Variants in UBE2V2 observed in about 807,000 individuals in gnomAD.
UBE2V2 encodes the protein ubiquitin conjugating enzyme E2 V2, also known as ubiquitin-conjugating enzyme E2 variant 2.
Under a neutral mutation model 17.2 loss-of-function variants are expected in UBE2V2, and 9 were observed. That is an observed-to-expected ratio of 0.52 (90% CI 0.32 to 0.91). The LOEUF (loss-of-function observed/expected upper bound fraction) is 0.91. Ranked by LOEUF, UBE2V2 falls within the 40% of genes least tolerant of loss-of-function variation. The pLI, the probability that UBE2V2 is intolerant of heterozygous loss-of-function variation, is 0.04. For missense variants in UBE2V2, 133 were observed against 182.6 expected, an observed-to-expected ratio of 0.73 and a Z score of 1.56; for synonymous variants, 61 against 57.5, an observed-to-expected ratio of 1.06 and a Z score of -0.28.
chr8:48,015,888 C>T (rs1303214162), intron 1 of UBE2V2, among the ~76,000 whole-genome samples: 3 of 146,716 alleles, frequency 2.0e-5, no homozygotes, highest in African/African-American at 7.5e-5. Flanking sequence ...ATCCATTTGT[C>T]TGTGTGGTTT....
chr8:48,025,951 A>G (rs1335390503), intron 1 of UBE2V2, among the ~76,000 whole-genome samples: 2 of 152,122 alleles, frequency 1.3e-5, no homozygotes, highest in East Asian at 3.9e-4. Context: ...AAGGGAGGTT[A>G]TTGGGAGTGT....
chr8:48,017,320 C>T (rs2091275947), intron 1 of UBE2V2, among the ~76,000 whole-genome samples: 2 of 151,714 alleles, frequency 1.3e-5, no homozygotes, highest in East Asian at 3.9e-4. Flanking sequence ...TGGTTATTAA[C>T]CCCTTATCAG....
chr8:48,034,261 A>T (rs2091405079), intron 1 of UBE2V2, among the ~76,000 whole-genome samples: 1 of 151,848 alleles, frequency 6.6e-6, no homozygotes, highest in Non-Finnish European at 1.5e-5. Context: ...AGCTGGGATT[A>T]CAGATTCCCG....
At chr8:48,021,298 C>T (rs1449538429) in intron 1 of UBE2V2, among the ~76,000 whole-genome samples, 6 of 145,602 alleles carry the variant, frequency 4.1e-5, no homozygotes, top group South Asian at 2.2e-4. Context: ...AGGCTGGTCT[C>T]GAACCCTTTT....
chr8:48,052,513 C>T (rs768884527), intron 3 of UBE2V2, among the ~76,000 whole-genome samples: 1 of 152,150 alleles, frequency 6.6e-6, no homozygotes, highest in Non-Finnish European at 1.5e-5. Flanking sequence ...TATCATTAAG[C>T]CTTGTCAGTT....
the UBE2V2 span, among the ~76,000 whole-genome samples, chr8:47,998,285 G>A: frequency 6.6e-6 from 1 of 152,124 alleles, no homozygotes; most frequent in Admixed American, 6.5e-5. Flanking sequence ...GGAGCAGACT[G>A]AAAGGCTCCT....
intron 3 of UBE2V2, among the ~76,000 whole-genome samples, chr8:48,055,425 T>C (rs2091565339): frequency 2.0e-5 from 3 of 151,978 alleles, no homozygotes; most frequent in African/African-American, 7.2e-5. Context: ...GGTCTTGAAC[T>C]CCTGATTTCA....
intron 2 of UBE2V2, among the ~76,000 whole-genome samples, chr8:48,047,661 G>C (rs1252290686): frequency 6.6e-6 from 1 of 151,864 alleles, no homozygotes; most frequent in Non-Finnish European, 1.5e-5. Flanking sequence ...GAGTTCAGGT[G>C]ATTCTCCTGC....
chr8:47,997,646 C>T, the UBE2V2 span, among the ~76,000 whole-genome samples: 1 of 151,998 alleles, frequency 6.6e-6, no homozygotes, highest in Non-Finnish European at 1.5e-5. Context: ...TGGGAGAAAT[C>T]AGAGAGGGAA....
At chr8:48,058,183 A>G (rs1271014552) in intron 3 of UBE2V2, among the ~76,000 whole-genome samples, 4 of 151,864 alleles carry the variant, frequency 2.6e-5, no homozygotes, top group African/African-American at 4.8e-5. Context: ...AAAATACAAA[A>G]ATTGGCCGGG....
At chr8:48,055,849 C>T (rs1231731207) in intron 3 of UBE2V2, among the ~76,000 whole-genome samples, 1 of 151,760 alleles carries the variant, frequency 6.6e-6, no homozygotes, top group Non-Finnish European at 1.5e-5. Flanking sequence ...AGCTCTGCCT[C>T]CTGGGTTCAT....
At chr8:48,036,649 C>G (rs2154507523) in intron 1 of UBE2V2, among the ~76,000 whole-genome samples, 1 of 151,414 alleles carries the variant, frequency 6.6e-6, no homozygotes, top group East Asian at 2.0e-4. Flanking sequence ...CTTGTCCAGG[C>G]TGGTCTTAAA....
intron 1 of UBE2V2, among the ~76,000 whole-genome samples, chr8:48,009,267 C>CTT (rs143794770): frequency 7.5e-4 from 101 of 133,788 alleles, no homozygotes; most frequent in Non-Finnish European, 1.1e-3. Context: ...CTTTTCTTTT[C>CTT]TTTTTTTTTT....
At chr8:48,022,396 A>C (rs2091312101) in intron 1 of UBE2V2, among the ~76,000 whole-genome samples, 1 of 152,052 alleles carries the variant, frequency 6.6e-6, no homozygotes, top group African/African-American at 2.4e-5. Context: ...TTGGCCTCTC[A>C]AAGTGCTGGG....
chr8:48,036,106 C>T (rs1006164308), intron 1 of UBE2V2, among the ~76,000 whole-genome samples: 1 of 151,704 alleles, frequency 6.6e-6, no homozygotes, highest in Non-Finnish European at 1.5e-5. Flanking sequence ...AGCTGTGCAC[C>T]ACCATGCCTG....
At chr8:48,040,593 A>G (rs2091454738) in intron 1 of UBE2V2, among the ~76,000 whole-genome samples, 4 of 152,004 alleles carry the variant, frequency 2.6e-5, no homozygotes, top group African/African-American at 9.7e-5. Flanking sequence ...CTGATGAGGA[A>G]GTCTTAAAAT....
intron 1 of UBE2V2, among the ~76,000 whole-genome samples, chr8:48,035,517 C>G (rs1013498508): frequency 2.0e-5 from 3 of 151,644 alleles, no homozygotes; most frequent in African/African-American, 7.3e-5. Flanking sequence ...GAGGATGGCT[C>G]ACAGCACTCT....
At chr8:48,048,081 A>G (rs1488829888) in intron 2 of UBE2V2, among the ~76,000 whole-genome samples, 4 of 151,720 alleles carry the variant, frequency 2.6e-5, no homozygotes, top group Non-Finnish European at 5.9e-5. Flanking sequence ...AGTTTGACAA[A>G]TGTAGCTTGT....
chr8:48,039,731 T>A (rs1488733742), intron 1 of UBE2V2, among the ~76,000 whole-genome samples: 1 of 151,784 alleles, frequency 6.6e-6, no homozygotes, highest in Admixed American at 6.6e-5. Flanking sequence ...CTTTTCCTAC[T>A]TTTTTTTTCC....
Sources: gnomAD v4.1 joint callset for allele counts (sites outside exome capture counted in the v4.1 genomes callset) on GRCh38, gnomAD v4.1.1 for gene constraint, MANE v1.5 for transcripts, NCBI Gene and HGNC (gene_info 2026-07-23, HGNC 2026-07-21) for gene names.